The following CNTNAP5 variants were observed in gnomAD, a reference collection of about 807,000 sequenced individuals.
The protein encoded by CNTNAP5 is contactin-associated protein-like 5.
In CNTNAP5, 72 loss-of-function variants were observed where a neutral mutation model predicts 150.2. The observed-to-expected ratio is 0.48, with a 90% CI of 0.40 to 0.58. The LOEUF is 0.58. CNTNAP5 is among the 20% of genes least tolerant of loss of function. CNTNAP5 has a pLI of 0.00. For missense variants in CNTNAP5, 1,636 were observed against 1,626.2 expected, an observed-to-expected ratio of 1.01 and a Z score of -0.10; for synonymous variants, 672 against 619.8, an observed-to-expected ratio of 1.08 and a Z score of -1.25.
At chr2:124,382,819 A>T (rs1243461804) in intron 3 of CNTNAP5, among the ~76,000 whole-genome samples, 2 of 152,178 alleles carry the variant, frequency 1.3e-5, no homozygotes, top group African/African-American at 4.8e-5. Flanking sequence ...AATCCCTTCT[A>T]GTTTGATTCC....
At chr2:124,329,436 G>A (rs1263629997) in intron 3 of CNTNAP5, among the ~76,000 whole-genome samples, 1 of 152,262 alleles carries the variant, frequency 6.6e-6, no homozygotes, top group East Asian at 1.9e-4. Context: ...GAAGGTGGGG[G>A]TTGAGAAATA....
At chr2:124,628,964 A>T (rs528968847) in intron 12 of CNTNAP5, among the ~76,000 whole-genome samples, 1 of 152,348 alleles carries the variant, frequency 6.6e-6, no homozygotes, top group Non-Finnish European at 1.5e-5. Flanking sequence ...AAAAAGACAA[A>T]GAAGGGCATT....
intron 1 of CNTNAP5, among the ~76,000 whole-genome samples, chr2:124,046,512 G>A (rs115690959): frequency 1.3e-5 from 2 of 150,802 alleles, no homozygotes; most frequent in East Asian, 2.0e-4. Context: ...GACAACAGCC[G>A]CCTCCTGCTG....
chr2:124,362,346 A>G (rs568969957), intron 3 of CNTNAP5, among the ~76,000 whole-genome samples: 7 of 152,274 alleles, frequency 4.6e-5, no homozygotes, highest in African/African-American at 1.7e-4. Flanking sequence ...GAATCTCAAC[A>G]TCTTAAATAT....
At chr2:124,615,083 C>A (rs72841390) in intron 12 of CNTNAP5, among the ~76,000 whole-genome samples, 1 of 151,952 alleles carries the variant, frequency 6.6e-6, no homozygotes, top group Non-Finnish European at 1.5e-5. Flanking sequence ...CTTAAGAGAC[C>A]CCATCATTTT....
chr2:124,044,724 T>C (rs1224545610), intron 1 of CNTNAP5, among the ~76,000 whole-genome samples: 1 of 152,148 alleles, frequency 6.6e-6, no homozygotes, highest in Non-Finnish European at 1.5e-5. Context: ...TAAAGCCATA[T>C]GGTTGCTTAT....
intron 1 of CNTNAP5, among the ~76,000 whole-genome samples, chr2:124,098,178 C>T (rs987188365): frequency 6.6e-6 from 1 of 152,164 alleles, no homozygotes; most frequent in Non-Finnish European, 1.5e-5. Flanking sequence ...GTATTATTTG[C>T]TCTATTCTTA....
intron 1 of CNTNAP5, among the ~76,000 whole-genome samples, chr2:124,086,226 T>G: frequency 6.8e-6 from 1 of 147,404 alleles, no homozygotes; most frequent in Non-Finnish European, 1.5e-5. Context: ...AAACCGAGTC[T>G]TGCTCTGTCG....
At chr2:124,905,721 G>T (rs1217631591) in intron 22 of CNTNAP5, among the ~76,000 whole-genome samples, 1 of 152,292 alleles carries the variant, frequency 6.6e-6, no homozygotes, top group African/African-American at 2.4e-5. Flanking sequence ...GGGAGAAAGA[G>T]AAAGGGGAAA....
At chr2:124,821,603 A>AT (rs899782755) in intron 19 of CNTNAP5, among the ~76,000 whole-genome samples, 11 of 151,932 alleles carry the variant, frequency 7.2e-5, no homozygotes, top group South Asian at 2.1e-4. Context: ...CCAATTACCT[A>AT]TTTTTTTTAG....
intron 3 of CNTNAP5, among the ~76,000 whole-genome samples, chr2:124,294,802 C>T (rs1190318623): frequency 1.3e-5 from 2 of 152,194 alleles, no homozygotes; most frequent in Non-Finnish European, 2.9e-5. Flanking sequence ...CAGTATAATG[C>T]ATCCATGGCT....
chr2:124,392,687 C>CAAAAAAAAAAA (rs35107442), intron 3 of CNTNAP5, among the ~76,000 whole-genome samples: 1 of 68,778 alleles, frequency 1.5e-5, no homozygotes, highest in Non-Finnish European at 2.7e-5. Context: ...TTTTCTTTGC[C>CAAAAAAAAAAA]AAAAAAAAAA....
intron 3 of CNTNAP5, among the ~76,000 whole-genome samples, chr2:124,281,755 T>C (rs565987943): frequency 6.6e-6 from 1 of 152,214 alleles, no homozygotes; most frequent in South Asian, 2.1e-4. Flanking sequence ...GGCTTCAGGG[T>C]TGTTGCTGAC....
At chr2:124,246,350 G>T (rs999363959) in intron 3 of CNTNAP5, among the ~76,000 whole-genome samples, 1 of 152,052 alleles carries the variant, frequency 6.6e-6, no homozygotes, top group Admixed American at 6.6e-5. Flanking sequence ...TCACCAAACA[G>T]CCACTTAGTG....
chr2:124,186,469 A>G (rs1418490970), intron 1 of CNTNAP5, among the ~76,000 whole-genome samples: 1 of 152,252 alleles, frequency 6.6e-6, no homozygotes, highest in Non-Finnish European at 1.5e-5. Context: ...GCATGTTTGT[A>G]CATAGAAATA....
intron 1 of CNTNAP5, among the ~76,000 whole-genome samples, chr2:124,150,528 T>G (rs1684379737): frequency 6.6e-6 from 1 of 152,178 alleles, no homozygotes; most frequent in Admixed American, 6.5e-5. Flanking sequence ...CATTAACTTC[T>G]CACAATTCTG....
chr2:124,774,484 A>T (rs967069950), intron 17 of CNTNAP5, among the ~76,000 whole-genome samples: 1 of 152,224 alleles, frequency 6.6e-6, no homozygotes, highest in Admixed American at 6.5e-5. Context: ...GATATAAATT[A>T]TCAAAACAGT....
intron 3 of CNTNAP5, among the ~76,000 whole-genome samples, chr2:124,408,248 C>T (rs1191066402): frequency 1.3e-5 from 2 of 151,994 alleles, no homozygotes; most frequent in Non-Finnish European, 2.9e-5. Flanking sequence ...CACGGAGTCT[C>T]GCTGATTGCT....
Position 124,123,348 on chromosome 2 carries a change from G to C in CNTNAP5, c.82+97616G>C, listed in dbSNP as rs373466311. Among the ~76,000 whole-genome samples, 41 of 152,312 alleles carry C rather than the reference G, an allele frequency of 2.7e-4. No homozygotes were observed. The East Asian group carries it at 6.2e-3, about 23-fold the overall frequency. On this transcript the variant is annotated intron_variant, in intron 1 of 23. Transcript: ENST00000682447. ...CGAACTGCAAAAAGGTGGCAGCGAG[G>C]CTGGGGGAGGGGCGTCCACCATTGC... is the stretch of plus-strand genomic sequence containing the variant.
Sources: allele counts gnomAD v4.1 joint callset (sites outside exome capture counted in the v4.1 genomes callset), GRCh38; gene constraint gnomAD v4.1.1; transcripts MANE v1.5; gene names NCBI Gene and HGNC (gene_info 2026-07-23, HGNC 2026-07-21).